Variants in MED12L observed in about 807,000 individuals in gnomAD.
MED12L encodes the protein mediator complex subunit 12L, also known as mediator of RNA polymerase II transcription subunit 12-like protein.
MED12L carries 60 observed loss-of-function variants against 281.3 expected under a neutral mutation model. That is an observed-to-expected ratio of 0.21 (90% confidence interval 0.17 to 0.26). The LOEUF is 0.26. Ranked by LOEUF, MED12L falls within the 10% of genes least tolerant of loss-of-function variation. The pLI is 1.00. For missense variants in MED12L, 2,146 were observed against 2,680.9 expected (o/e 0.80, Z 4.41); for synonymous variants, 974 against 987.2 (o/e 0.99, Z 0.25).
chr3:151,407,282 TA>T (rs1716432577), intron 39 of MED12L, among the ~76,000 whole-genome samples: 2 of 152,218 alleles, frequency 1.3e-5, no homozygotes, highest in South Asian at 4.1e-4. Flanking sequence ...ACATCTGCTT[TA>T]TGCATCTGAA....
At chr3:151,331,787 C>A (rs1750382506) in intron 16 of MED12L, among the ~76,000 whole-genome samples, 1 of 152,146 alleles carries the variant, frequency 6.6e-6, no homozygotes, top group Admixed American at 6.6e-5. Flanking sequence ...CTTATTTAAT[C>A]CTTAACAATC....
At chr3:151,200,876 A>G (rs1305161535) in intron 16 of MED12L, 1 of 152,192 alleles carries the variant, frequency 6.6e-6, no homozygotes, top group Admixed American at 6.5e-5. Flanking sequence ...TGCTTTACAG[A>G]TGAGGAAATT....
At chr3:151,419,045 C>T (rs1717952047) in intron 43 of MED12L, among the ~76,000 whole-genome samples, 1 of 152,308 alleles carries the variant, frequency 6.6e-6, no homozygotes, top group East Asian at 1.9e-4. Context: ...TCCACTTCTA[C>T]TCTTTTAGTG....
chr3:151,312,551 C>T (rs1747690648), intron 16 of MED12L, among the ~76,000 whole-genome samples: 1 of 152,118 alleles, frequency 6.6e-6, no homozygotes, highest in South Asian at 2.1e-4. Context: ...TGTTATATGT[C>T]CTCCAGAGAG....
chr3:151,384,576 T>C (rs1712992697), intron 35 of MED12L: 2 of 193,430 alleles, frequency 1.0e-5, no homozygotes, highest in Admixed American at 1.2e-4. Context: ...AATTTATAAA[T>C]CGATTCATTT....
At chr3:151,347,919 AC>A (rs2150003819) in intron 16 of MED12L, among the ~76,000 whole-genome samples, 1 of 152,192 alleles carries the variant, frequency 6.6e-6, no homozygotes, top group Non-Finnish European at 1.5e-5. Context: ...CAGCTCTCTT[AC>A]CCCAAGCTTG....
chr3:151,228,876 A>G (rs150565412), intron 16 of MED12L, among the ~76,000 whole-genome samples: 42 of 152,282 alleles, frequency 2.8e-4, no homozygotes, highest in Middle Eastern at 3.4e-3. Flanking sequence ...ATGTGGTCCT[A>G]TTCCCTGGGG....
At chr3:151,198,336 T>C in intron 16 of MED12L, 1 of 996,936 alleles carries the variant, frequency 1.0e-6, no homozygotes, top group Non-Finnish European at 1.4e-6. Flanking sequence ...TACTGAGTTT[T>C]TTTTTGTTTT....
In MED12L at chr3:151,436,453, A is replaced by ATTTG. The variant is rs1386378682; in HGVS notation, c.*3652_*3655dup. 1 of 384,126 alleles carries ATTTG rather than the reference A, an allele frequency of 2.6e-6. No homozygotes were observed. 23.8% of individuals were successfully genotyped at this position (384,126 alleles called of 1,614,324 possible). A position where few individuals can be genotyped will look rare whatever the true frequency, so the allele number is the denominator to read the frequency against. On this transcript the variant is annotated 3_prime_UTR_variant, in exon 45 of 45. Coordinates refer to ENST00000687756, the MANE Select transcript of MED12L (RefSeq NM_001393769.1). The stretch of plus-strand genomic sequence containing the variant: ...ACCGTTTCAATGTTTGTTTATTGTT[A>ATTTG]TTTGTTGGCAAAATAAAAGTGCCTT...
chr3:151,317,093 C>G lies in MED12L; in HGVS notation c.2251-32966C>G, dbSNP rs543631021. 3.4e-4 allele frequency: 52 copies of G among 152,078 alleles called. 1 individual carries two copies. The highest frequency in any genetic ancestry group is 1.2e-3 in the African/African-American group (49 of 41,458). 9.4% of individuals were successfully genotyped at this position (152,078 alleles called of 1,614,324 possible). A position where few individuals can be genotyped will look rare whatever the true frequency, so the allele number is the denominator to read the frequency against. On this transcript the variant is annotated intron_variant, in intron 16 of 44. Coordinates refer to ENST00000687756, the MANE Select transcript of MED12L (RefSeq NM_001393769.1). ...CTATCTAGAAAACATGTATTTGCAG[C>G]CTTCCTGCCAATTAAATTTTGGATT...
intron 16 of MED12L, among the ~76,000 whole-genome samples, chr3:151,238,067 TTTTC>T (rs890437666): frequency 6.6e-6 from 1 of 152,214 alleles, no homozygotes; most frequent in African/African-American, 2.4e-5. Flanking sequence ...CGTTTTTTTC[TTTTC>T]TAACTAGTGC....
chr3:151,213,743 C>G (rs759701613), intron 16 of MED12L: 2 of 1,613,980 alleles, frequency 1.2e-6, no homozygotes, highest in Non-Finnish European at 1.7e-6. Flanking sequence ...AAGATGGCCA[C>G]GAAGATGTAG....
chr3:151,247,045 A>C (rs1159642438), intron 16 of MED12L, among the ~76,000 whole-genome samples: 1 of 152,366 alleles, frequency 6.6e-6, no homozygotes, highest in South Asian at 2.1e-4. Flanking sequence ...GAGAAATGCA[A>C]ACCAAAACCA....
At chr3:151,196,928 A>AT (rs1183701498) in intron 16 of MED12L, among the ~76,000 whole-genome samples, 1 of 152,234 alleles carries the variant, frequency 6.6e-6, no homozygotes, top group Non-Finnish European at 1.5e-5. Context: ...TTTCTTAATC[A>AT]TTGCAGCTAA....
At chr3:151,426,644 ACC>A (rs1425108542) in intron 43 of MED12L, among the ~76,000 whole-genome samples, 1 of 152,148 alleles carries the variant, frequency 6.6e-6, no homozygotes, top group Non-Finnish European at 1.5e-5. Flanking sequence ...ATTATTGCAG[ACC>A]CAAAGAGCTT....
intron 16 of MED12L, among the ~76,000 whole-genome samples, chr3:151,235,774 A>T (rs1577063429): frequency 1.3e-5 from 2 of 152,098 alleles, no homozygotes; most frequent in East Asian, 3.9e-4. Context: ...TCTGCCTGTG[A>T]TTGTCAGTCT....
At chr3:151,118,836 C>G (rs540703864) in intron 3 of MED12L, among the ~76,000 whole-genome samples, 14 of 151,886 alleles carry the variant, frequency 9.2e-5, no homozygotes, top group Non-Finnish European at 1.9e-4. Context: ...TGGCTGCACC[C>G]GCCTCCACAC....
At chr3:151,261,117 T>C (rs1253786524) in intron 16 of MED12L, among the ~76,000 whole-genome samples, 1 of 152,152 alleles carries the variant, frequency 6.6e-6, no homozygotes, top group Non-Finnish European at 1.5e-5. Flanking sequence ...TTTATGCATT[T>C]AATTCTGAAA....
At chr3:151,343,235 A>G (rs563689256) in intron 16 of MED12L, among the ~76,000 whole-genome samples, 1 of 152,324 alleles carries the variant, frequency 6.6e-6, no homozygotes, top group African/African-American at 2.4e-5. Flanking sequence ...AAATGAAACA[A>G]GGCTTATTCA....
Sources: allele counts gnomAD v4.1 joint callset (sites outside exome capture counted in the v4.1 genomes callset), GRCh38; gene constraint gnomAD v4.1.1; transcripts MANE v1.5; gene names NCBI Gene and HGNC (gene_info 2026-07-23, HGNC 2026-07-21).